Variants in RPS6KC1 observed in about 807,000 individuals in gnomAD.
RPS6KC1 encodes ribosomal protein S6 kinase C1, also known as inactive ribosomal protein S6 kinase delta-1.
RPS6KC1 carries 54 observed loss-of-function variants against 103.8 expected under a neutral mutation model. The ratio of observed to expected loss-of-function variants is 0.52; its 90% confidence interval spans 0.42 to 0.65. The LOEUF (loss-of-function observed/expected upper bound fraction) is 0.65, where lower values mean the gene tolerates loss of function less well. Among genes scored for constraint, RPS6KC1 ranks in the 30% least tolerant of loss-of-function variants. The pLI is 0.00. For synonymous variants in RPS6KC1, 439 were observed against 438.7 expected (o/e 1.00, Z -0.01); for missense variants, 1,151 against 1,253.8 (o/e 0.92, Z 1.24).
the RPS6KC1 span, among the ~76,000 whole-genome samples, chr1:213,439,906 G>A: frequency 6.6e-6 from 1 of 151,884 alleles, no homozygotes; most frequent in Non-Finnish European, 1.5e-5. Flanking sequence ...TGAGGCAAGT[G>A]ATGCAATAAT....
At chr1:213,338,333 T>C in the RPS6KC1 span, among the ~76,000 whole-genome samples, 1 of 152,254 alleles carries the variant, frequency 6.6e-6, no homozygotes, top group African/African-American at 2.4e-5. Context: ...GTCTGCTTCA[T>C]GCTCCACTGA....
At chr1:213,671,971 T>C in the RPS6KC1 span, among the ~76,000 whole-genome samples, 1 of 151,690 alleles carries the variant, frequency 6.6e-6, no homozygotes, top group African/African-American at 2.4e-5. Flanking sequence ...AAAAGAAAAT[T>C]GAGGCTAGCA....
the RPS6KC1 span, among the ~76,000 whole-genome samples, chr1:213,644,456 C>T: frequency 6.6e-6 from 1 of 152,070 alleles, no homozygotes; most frequent in Non-Finnish European, 1.5e-5. Context: ...TATCATGACA[C>T]ATATCCACGA....
chr1:213,155,718 G>T (rs1435490926), intron 6 of RPS6KC1, among the ~76,000 whole-genome samples: 1 of 152,084 alleles, frequency 6.6e-6, no homozygotes. Flanking sequence ...TTAAAACCAG[G>T]TACTATGAGT....
intron 1 of RPS6KC1, among the ~76,000 whole-genome samples, chr1:213,057,364 A>G (rs750032300): frequency 2.6e-5 from 4 of 152,210 alleles, no homozygotes; most frequent in Non-Finnish European, 2.9e-5. Context: ...TTAAATTAAC[A>G]TACAATGAAA....
the RPS6KC1 span, among the ~76,000 whole-genome samples, chr1:213,496,467 T>G: frequency 9.9e-5 from 15 of 151,868 alleles, no homozygotes; most frequent in East Asian, 1.4e-3. Flanking sequence ...CATAAGAAAC[T>G]TACTTTCAGG....
the RPS6KC1 span, among the ~76,000 whole-genome samples, chr1:213,753,329 AGTGGG>A: frequency 1.3e-5 from 2 of 152,222 alleles, no homozygotes; most frequent in African/African-American, 4.8e-5. Context: ...TATAGGATAC[AGTGGG>A]CAGTGGAGTT....
chr1:213,285,295 C>T, the RPS6KC1 span, among the ~76,000 whole-genome samples: 1,302 of 152,254 alleles, frequency 8.6e-3, 7 homozygotes, highest in Non-Finnish European at 0.013. Context: ...CTTATGACCT[C>T]ATCTATCCTA....
At chr1:213,728,420 C>T in the RPS6KC1 span, among the ~76,000 whole-genome samples, 2 of 152,156 alleles carry the variant, frequency 1.3e-5, no homozygotes, top group African/African-American at 4.8e-5. Context: ...TCTCGTGGAG[C>T]TCATGGTGAT....
chr1:213,354,990 G>GCA, the RPS6KC1 span, among the ~76,000 whole-genome samples: 1 of 152,178 alleles, frequency 6.6e-6, no homozygotes, highest in Non-Finnish European at 1.5e-5. Context: ...GGCCGAGGTG[G>GCA]GCGGATCACC....
the RPS6KC1 span, chr1:213,822,005 CA>C: frequency 6.6e-6 from 1 of 152,220 alleles, no homozygotes; most frequent in Non-Finnish European, 1.5e-5. Flanking sequence ...CCTCCAAAAT[CA>C]AACCATCAAG....
the RPS6KC1 span, among the ~76,000 whole-genome samples, chr1:213,706,877 C>T: frequency 6.6e-6 from 1 of 152,154 alleles, no homozygotes; most frequent in African/African-American, 2.4e-5. Context: ...AGGACATGAA[C>T]TCATCCTTTT....
intron 6 of RPS6KC1, among the ~76,000 whole-genome samples, chr1:213,153,042 G>A (rs971744701): frequency 6.6e-5 from 10 of 152,214 alleles, no homozygotes; most frequent in East Asian, 1.9e-4. Context: ...GCTGGAGACC[G>A]GCCTGGCCAA....
At chr1:213,487,443 C>G in the RPS6KC1 span, among the ~76,000 whole-genome samples, 5 of 152,082 alleles carry the variant, frequency 3.3e-5, no homozygotes, top group Middle Eastern at 3.4e-3. Context: ...GTGGTCTTCC[C>G]AAACTCATTT....
intron 8 of RPS6KC1, among the ~76,000 whole-genome samples, chr1:213,187,366 T>A (rs1020243582): frequency 1.3e-5 from 2 of 150,984 alleles, no homozygotes; most frequent in Non-Finnish European, 3.0e-5. Flanking sequence ...TGCCTCAGCC[T>A]CCCAAGTAGC....
the RPS6KC1 span, among the ~76,000 whole-genome samples, chr1:213,361,704 T>C: frequency 2.5e-3 from 383 of 152,342 alleles, 2 homozygotes; most frequent in African/African-American, 8.9e-3. Context: ...GTCATTCTTA[T>C]TGCTCACTCG....
At chr1:213,348,769 TAAG>T in the RPS6KC1 span, among the ~76,000 whole-genome samples, 1 of 152,208 alleles carries the variant, frequency 6.6e-6, no homozygotes, top group South Asian at 2.1e-4. Context: ...ATGGGTAAAA[TAAG>T]AAAGCTATAG....
the RPS6KC1 span, among the ~76,000 whole-genome samples, chr1:213,725,488 C>A: frequency 9.9e-5 from 15 of 152,228 alleles, no homozygotes; most frequent in African/African-American, 3.6e-4. Flanking sequence ...GCATTCCGGG[C>A]TCTCTTCGGG....
the RPS6KC1 span, among the ~76,000 whole-genome samples, chr1:213,465,921 C>T: frequency 3.3e-5 from 5 of 152,064 alleles, no homozygotes; most frequent in African/African-American, 4.8e-5. Flanking sequence ...CTGCCCATAC[C>T]GAGGTCGTGC....
Sources: gnomAD v4.1 joint callset for allele counts (sites outside exome capture counted in the v4.1 genomes callset) on GRCh38, gnomAD v4.1.1 for gene constraint, MANE v1.5 for transcripts, NCBI Gene and HGNC (gene_info 2026-07-23, HGNC 2026-07-21) for gene names.